Variants in EVA1A observed in about 807,000 individuals in gnomAD.
EVA1A encodes protein eva-1 homolog A.
A neutral mutation model predicts 9.8 loss-of-function variants in EVA1A; 7 were observed. The ratio of observed to expected loss-of-function variants is 0.71; its 90% CI spans 0.41 to 1.34. The LOEUF is 1.34. EVA1A is among the 40% of genes most tolerant of loss of function. EVA1A has a pLI of 0.01. For missense variants in EVA1A, 206 were observed against 205.9 expected (o/e 1.00, Z 0.00); for synonymous variants, 90 against 85.6 (o/e 1.05, Z -0.28).
chr2:75,549,105 A>C (rs2103963349), intron 1 of EVA1A, among the ~76,000 whole-genome samples: 1 of 151,148 alleles, frequency 6.6e-6, no homozygotes, highest in East Asian at 2.0e-4. Flanking sequence ...TGCCTCCCAA[A>C]CCCTTTTGCA....
At chr2:75,520,727 A>T (rs1054444179) in intron 2 of EVA1A, among the ~76,000 whole-genome samples, 1 of 152,158 alleles carries the variant, frequency 6.6e-6, no homozygotes, top group African/African-American at 2.4e-5. Flanking sequence ...TGTAACAGCT[A>T]AAAATTTTAG....
intron 1 of EVA1A, among the ~76,000 whole-genome samples, chr2:75,552,954 T>G (rs1227792580): frequency 6.6e-6 from 1 of 152,180 alleles, no homozygotes; most frequent in Admixed American, 6.5e-5. Context: ...TGACCCAGTC[T>G]CTCCTCTGTG....
At chr2:75,493,806 G>A (rs1674111198) in intron 3 of EVA1A, among the ~76,000 whole-genome samples, 197 bp from the exon 4 acceptor site, 3 of 152,180 alleles carry the variant, frequency 2.0e-5, no homozygotes. Context: ...AAAGGTATAT[G>A]AAATTCTTTC....
upstream of EVA1A, among the ~76,000 whole-genome samples, chr2:75,565,665 C>T (rs1366980231): frequency 6.6e-6 from 1 of 152,154 alleles, no homozygotes; most frequent in Non-Finnish European, 1.5e-5. Flanking sequence ...ACTTCCAGCT[C>T]TTATTAATTC....
Position 75,493,541 on chromosome 2 carries a change from C to A in EVA1A, c.154G>T (p.Ala52Ser), listed in dbSNP as rs1297236112. Residue 52 changes from alanine (A) to serine (S), a missense_variant, in exon 4 of 4, where the codon GCT becomes TCT. Coordinates refer to ENST00000393913, the MANE Select transcript of EVA1A (RefSeq NM_001135032.2). Reference sequence around the variant, plus strand: ...TGGCAAGAGATCCTTATCACCAGAGCAGCCAGGGTCAGCACCAGCCCGATG... The same window carrying A: ...TGGCAAGAGATCCTTATCACCAGAGAAGCCAGGGTCAGCACCAGCCCGATG... Reference protein sequence around the residue: ...VCIGLVLTLAALVIRISCHTD... With the variant: ...VCIGLVLTLASLVIRISCHTD... The A allele has an allele frequency of 5.0e-6, 8 of 1,613,976 alleles. No individual in the cohort carries two copies. The African/African-American group carries it at 9.3e-5, about 19-fold the overall frequency.
At chr2:75,529,454 C>A (rs746464593) in intron 1 of EVA1A, among the ~76,000 whole-genome samples, 76 of 152,300 alleles carry the variant, frequency 5.0e-4, no homozygotes, top group Non-Finnish European at 8.8e-5. Flanking sequence ...ACATTCTATT[C>A]ATCAGCACAC....
At chr2:75,507,065 T>C (rs1271380978) in intron 3 of EVA1A, among the ~76,000 whole-genome samples, 1 of 152,226 alleles carries the variant, frequency 6.6e-6, no homozygotes, top group Non-Finnish European at 1.5e-5. Context: ...GTCAGCCAGC[T>C]GTCAAGAAAC....
chr2:75,554,519 G>A (rs1676632937), intron 1 of EVA1A, among the ~76,000 whole-genome samples: 1 of 152,174 alleles, frequency 6.6e-6, no homozygotes, highest in Admixed American at 6.5e-5. Flanking sequence ...CTTCTTTTTC[G>A]AAAGCAGATT....
At position 75,560,435 on chromosome 2, in the gene EVA1A, A is replaced by AG. The variant is rs551884361; in HGVS notation, c.-192+244dup. 4.7e-3 allele frequency among the ~76,000 whole-genome samples: 712 copies of AG among 152,178 alleles called. 8 individuals are homozygous for AG. The highest frequency in any genetic ancestry group is 0.015 in the African/African-American group (642 of 41,516). On this transcript the variant is annotated intron_variant, in intron 1 of 3. Transcript: ENST00000393913. ...AGAGTTGTTCTATCCAGAAAGAAGC[A>AG]GGGGGGGCGAGAGAAGAAACAGGAA...
At chr2:75,534,432 A>G (rs552377813) in intron 1 of EVA1A, among the ~76,000 whole-genome samples, 3 of 152,226 alleles carry the variant, frequency 2.0e-5, no homozygotes, top group South Asian at 4.1e-4. Context: ...TAGAAAAACT[A>G]TATGAAGAAA....
At position 75,493,614 on chromosome 2, in the gene EVA1A, A is replaced by G; in HGVS notation, c.86-5T>C. 6.4e-7 allele frequency: 1 copy of G among 1,566,276 alleles called. No individual in the cohort carries two copies. On this transcript the variant is annotated splice_polypyrimidine_tract_variant and splice_region_variant and intron_variant, in intron 3 of 3. Transcript: ENST00000393913. Reference sequence around the variant, plus strand: ...GAGCTGCTCGCTCAGGATTTTCTGGAGGAAGAAGAGGAAGAAGCAAGCATT... The same window carrying G: ...GAGCTGCTCGCTCAGGATTTTCTGGGGGAAGAAGAGGAAGAAGCAAGCATT...
In EVA1A at chr2:75,493,495, G is replaced by A. The variant is rs778266808; in HGVS notation, c.200C>T (p.Pro67Leu). ...TCTGTCCTGCAGGAACTTCTTCCCG[G>A]GACGCCGCCTGCAGTCTGTGTGGCA... ...ISCHTDCRRR[P>L]GKKFLQDRES... is the part of the protein sequence containing the mutation. The change falls in exon 4 of 4, where the codon CCC becomes CTC. Residue 67 changes from proline (P) to leucine (L), a missense_variant. By Grantham distance (98) the Pro-to-Leu change is moderately conservative. Transcript: ENST00000393913. 2.5e-6 allele frequency: 4 copies of A among 1,614,182 alleles called. No homozygotes were observed. Among genetic ancestry groups the A allele is most frequent in the Admixed American group, 1.7e-5 (1 of 60,032 alleles).
chr2:75,500,068 C>G (rs529610591), intron 3 of EVA1A, among the ~76,000 whole-genome samples: 132 of 152,260 alleles, frequency 8.7e-4, no homozygotes, highest in African/African-American at 2.9e-3. Flanking sequence ...AAAGTCAAAC[C>G]CTTCCCCCAC....
At chr2:75,568,573 C>T (rs1388519186) in intron 1 of EVA1A, among the ~76,000 whole-genome samples, 5 of 152,126 alleles carry the variant, frequency 3.3e-5, no homozygotes, top group East Asian at 1.9e-4. Flanking sequence ...GGGCAGTATA[C>T]GCTGTACCCA....
chr2:75,509,811 A>G (rs1402403054), intron 3 of EVA1A, among the ~76,000 whole-genome samples: 1 of 152,104 alleles, frequency 6.6e-6, no homozygotes, highest in African/African-American at 2.4e-5. Flanking sequence ...GGGTAATTCA[A>G]TTCTTAAAAG....
chr2:75,498,101 T>C (rs533426523), intron 3 of EVA1A, among the ~76,000 whole-genome samples: 11 of 152,126 alleles, frequency 7.2e-5, no homozygotes, highest in African/African-American at 1.7e-4. Flanking sequence ...CAAGAGAGGA[T>C]TGGATAAAGG....
chr2:75,506,285 G>C (rs935662331), intron 3 of EVA1A, among the ~76,000 whole-genome samples: 1 of 152,212 alleles, frequency 6.6e-6, no homozygotes, highest in African/African-American at 2.4e-5. Flanking sequence ...TCTCAGGAAA[G>C]GAATCTCTGT....
chr2:75,560,178 T>C (rs1676873283), intron 1 of EVA1A, among the ~76,000 whole-genome samples: 1 of 151,900 alleles, frequency 6.6e-6, no homozygotes, highest in Non-Finnish European at 1.5e-5. Context: ...CCTGATGCAC[T>C]CGGCTTTCGG....
chr2:75,533,150 A>C (rs537425968), intron 1 of EVA1A, among the ~76,000 whole-genome samples: 10 of 128,834 alleles, frequency 7.8e-5, no homozygotes, highest in South Asian at 6.7e-4. Flanking sequence ...CCCTGTCTTT[A>C]AAAAAAAAAA....
Sources: gnomAD v4.1 joint callset for allele counts (sites outside exome capture counted in the v4.1 genomes callset) on GRCh38, gnomAD v4.1.1 for gene constraint, MANE v1.5 for transcripts, NCBI Gene and HGNC (gene_info 2026-07-23, HGNC 2026-07-21) for gene names.